The following NIN variants were observed in gnomAD, a reference collection of about 807,000 sequenced individuals.
NIN encodes the protein glycogen synthase kinase 3 beta-interacting protein.
NIN carries 137 observed loss-of-function variants against 257.6 expected under a neutral mutation model. The ratio of observed to expected loss-of-function variants is 0.53; its 90% CI spans 0.46 to 0.61. NIN has a LOEUF of 0.61. Ranked by LOEUF, NIN falls within the 20% of genes least tolerant of loss-of-function variation. The pLI is 0.00. For synonymous variants in NIN, 918 were observed against 919.8 expected (o/e 1.00, Z 0.04); for missense variants, 2,439 against 2,501.2 (o/e 0.98, Z 0.53).
rs1595726590 is a variant in NIN, at chr14:50,738,015, A to T, written c.5775+125T>A. 10 of 922,374 alleles carry T rather than the reference A, an allele frequency of 1.1e-5. No individual in the cohort carries two copies. In the East Asian group the frequency reaches 2.5e-4, roughly 23 times the overall value. 57.1% of individuals were successfully genotyped at this position (922,374 alleles called of 1,614,324 possible). ...TGCTATTTTGACAAGATAACAGCAT[A>T]AAGAGATACATGCCAAAATATGCCA... is the stretch of plus-strand genomic sequence containing the variant. On this transcript the variant is annotated intron_variant, in intron 27 of 30. Coordinates refer to ENST00000530997, the MANE Select transcript of NIN (RefSeq NM_020921.4).
chr14:50,740,783 A>T (rs1241240264), intron 25 of NIN, among the ~76,000 whole-genome samples: 2 of 152,240 alleles, frequency 1.3e-5, no homozygotes, highest in Non-Finnish European at 2.9e-5. Context: ...CACCCAGCCC[A>T]AAACAACTAG....
intron 27 of NIN, 27 bp downstream of exon 27, chr14:50,738,113 G>A (rs763948372): frequency 1.2e-6 from 2 of 1,611,314 alleles, no homozygotes; most frequent in South Asian, 1.1e-5. Context: ...GAACACAGAT[G>A]TACGCCATAT....
At chr14:50,752,033 C>CT (rs555496894) in intron 21 of NIN, among the ~76,000 whole-genome samples, 11 of 151,936 alleles carry the variant, frequency 7.2e-5, no homozygotes, top group South Asian at 2.1e-4. Flanking sequence ...GCCAAGTAAA[C>CT]TTTTTTTAAC....
At chr14:50,823,524 G>A (rs1038897643) in intron 2 of NIN, 2 of 241,370 alleles carry the variant, frequency 8.3e-6, no homozygotes, top group Non-Finnish European at 1.7e-5. Flanking sequence ...TGTTGCTCTA[G>A]GTTGTGTTTG....
intron 22 of NIN, among the ~76,000 whole-genome samples, chr14:50,747,303 T>C (rs1268494142): frequency 6.6e-6 from 1 of 152,076 alleles, no homozygotes; most frequent in East Asian, 1.9e-4. Context: ...CACAAATCAG[T>C]GTGAACAGAA....
intron 4 of NIN, among the ~76,000 whole-genome samples, chr14:50,799,144 G>A (rs1358960016): frequency 1.3e-5 from 2 of 152,200 alleles, no homozygotes; most frequent in South Asian, 2.1e-4. Flanking sequence ...CACTTTCCAT[G>A]GGAAAGAGCT....
intron 2 of NIN, among the ~76,000 whole-genome samples, chr14:50,822,641 GC>G (rs2045280538): frequency 1.3e-5 from 2 of 152,192 alleles, no homozygotes; most frequent in South Asian, 4.1e-4. Context: ...CCCCATCATA[GC>G]TAGACTGGAG....
chr14:50,787,869 T>G (rs1205385539), intron 5 of NIN, among the ~76,000 whole-genome samples: 2 of 152,234 alleles, frequency 1.3e-5, no homozygotes, highest in Non-Finnish European at 2.9e-5. Context: ...AGTAGCTTTA[T>G]TGCCTTGTAA....
intron 2 of NIN, among the ~76,000 whole-genome samples, chr14:50,828,230 T>C (rs2045553105): frequency 6.6e-6 from 1 of 152,228 alleles, no homozygotes; most frequent in South Asian, 2.1e-4. Flanking sequence ...TGATCTTCTC[T>C]TCTCACGTCT....
rs1376393653 is a variant in NIN, at chr14:50,752,665, A to G, written c.4803T>C (p.Ser1601=). ...LENTELSQKN[S]QNQEKLQELN... is the part of the protein sequence containing the mutation. ...GTTCTTGCAGTTTTTCCTGGTTTTG[A>G]GAGTTCTTTTGGCTAAGTTCTGTAT... The change falls in exon 21 of 31, where the codon TCT becomes TCC. Residue 1601 remains serine, a synonymous_variant. Coordinates refer to ENST00000530997, the MANE Select transcript of NIN (RefSeq NM_020921.4). The G allele has an allele frequency of 2.5e-6, 4 of 1,613,450 alleles. No homozygotes were observed. In the African/African-American group the frequency reaches 4.0e-5, roughly 16 times the overall value.
Position 50,745,513 on chromosome 14 carries a change from C to T in NIN, c.5065-1148G>A, listed in dbSNP as rs564365371. On this transcript the variant is annotated intron_variant, in intron 22 of 30. Coordinates refer to ENST00000530997, the MANE Select transcript of NIN (RefSeq NM_020921.4). Reference sequence around the variant, plus strand: ...TGATTTTACGACCATCTTTCTACTTCCTGAACCTGAAATTCTTTCACATTT... The same window carrying T: ...TGATTTTACGACCATCTTTCTACTTTCTGAACCTGAAATTCTTTCACATTT... Among the ~76,000 whole-genome samples the T allele has an allele frequency of 3.9e-5, 6 of 152,304 alleles. No homozygotes were observed. The East Asian group carries it at 9.6e-4, about 24-fold the overall frequency.
chr14:50,821,372 G>A (rs1023048766), intron 3 of NIN, among the ~76,000 whole-genome samples: 1 of 152,196 alleles, frequency 6.6e-6, no homozygotes, highest in Admixed American at 6.5e-5. Flanking sequence ...AGCAAGCCGT[G>A]CTGGGTTTTA....
rs115030882 is a variant in NIN, at chr14:50,825,387, G to T, written c.-21-3310C>A. The stretch of plus-strand genomic sequence containing the variant: ...GAGCTTCCTCTATCTTTAAAAGCAG[G>T]TTATTGATAAATTTAATGTCAAATA... On this transcript the variant is annotated intron_variant, in intron 2 of 30. Coordinates refer to ENST00000530997, the MANE Select transcript of NIN (RefSeq NM_020921.4). Among the ~76,000 whole-genome samples, 1,202 of 152,276 alleles carry T rather than the reference G, an allele frequency of 7.9e-3. 15 individuals are homozygous for T. Among genetic ancestry groups the T allele is most frequent in the African/African-American group, 0.027 (1,138 of 41,544 alleles).
chr14:50,792,824 C>T lies in NIN; in HGVS notation c.323G>A (p.Arg108Lys). The part of the protein sequence containing the change: ...YVRGGKRYGR[R>K]SLPEFQESVE... ...GGACTCTTGGAACTCGGGCAAGGACCTTCGTCCGTAACGCTTCCCACCTCT... is the reference window on the plus strand; with the variant it reads ...GGACTCTTGGAACTCGGGCAAGGACTTTCGTCCGTAACGCTTCCCACCTCT... Residue 108 changes from arginine (R) to lysine (K), a missense_variant, in exon 5 of 31, where the codon AGG (arginine) becomes AAG (lysine). Arg to Lys is a conservative substitution (Grantham distance 26). This residue lies in a region of NIN where 387 missense variants were observed against 427.3 expected (regional missense o/e 0.91). Transcript: ENST00000530997. The T allele has an allele frequency of 1.9e-6, 3 of 1,614,198 alleles. No individual in the cohort carries two copies. The highest frequency in any genetic ancestry group is 2.5e-6 in the Non-Finnish European group (3 of 1,180,040).
At chr14:50,730,043 T>C (rs79130910) in intron 28 of NIN, among the ~76,000 whole-genome samples, 103 of 122,696 alleles carry the variant, frequency 8.4e-4, no homozygotes, top group Non-Finnish European at 1.3e-3. Flanking sequence ...TATACTGGAA[T>C]AATTACCTCC....
rs753957846 is a variant in NIN at position 50,739,323 on chromosome 14, C to T, written c.5613G>A (p.Thr1871=). Reference sequence around the variant, plus strand: ...CTCCAATTACCTTCTCCCGGGAGTGCGTGAGTTCGGCTTTGGTGTTCTGTA... The same window carrying T: ...CTCCAATTACCTTCTCCCGGGAGTGTGTGAGTTCGGCTTTGGTGTTCTGTA... ...TMVQNTKAEL[T]HSREKVRQLE... The change falls in exon 26 of 31, where the codon ACG becomes ACA. Residue 1871 remains threonine (T), a synonymous_variant. Coordinates refer to ENST00000530997, the MANE Select transcript of NIN (RefSeq NM_020921.4). 9.9e-6 allele frequency: 16 copies of T among 1,614,024 alleles called. No homozygotes were observed. The highest frequency in any genetic ancestry group is 6.6e-5 in the South Asian group (6 of 91,046).
At chr14:50,767,614 G>C (rs917296778) in intron 12 of NIN, among the ~76,000 whole-genome samples, 1 of 152,050 alleles carries the variant, frequency 6.6e-6, no homozygotes, top group South Asian at 2.1e-4. Context: ...TCAGGAGATC[G>C]AGACCATCCT....
At chr14:50,821,299 C>T (rs1045659863) in intron 3 of NIN, among the ~76,000 whole-genome samples, 8 of 152,246 alleles carry the variant, frequency 5.3e-5, no homozygotes, top group African/African-American at 1.9e-4. Context: ...ATGGTAATAA[C>T]ATGACTATTT....
intron 28 of NIN, among the ~76,000 whole-genome samples, chr14:50,732,420 A>G (rs990548230): frequency 6.6e-6 from 1 of 152,230 alleles, no homozygotes; most frequent in South Asian, 2.1e-4. Flanking sequence ...CTCTATAGGT[A>G]TCATACTATA....
Sources: allele counts gnomAD v4.1 joint callset (sites outside exome capture counted in the v4.1 genomes callset), GRCh38; gene constraint gnomAD v4.1.1; regional missense constraint gnomAD v4.1.1; transcripts MANE v1.5; gene names NCBI Gene and HGNC (gene_info 2026-07-23, HGNC 2026-07-21).